Variants in CNTNAP2 observed in about 807,000 individuals in gnomAD.
CNTNAP2 encodes contactin associated protein 2.
Under a neutral mutation model 155.2 loss-of-function variants are expected in CNTNAP2, and 98 were observed. That is an observed-to-expected ratio of 0.63 (90% CI 0.54 to 0.75). CNTNAP2 has a LOEUF of 0.75. Among genes scored for constraint, CNTNAP2 ranks in the 30% least tolerant of loss-of-function variants. CNTNAP2 has a pLI of 0.00. For missense variants in CNTNAP2, 1,727 were observed against 1,688.1 expected, an observed-to-expected ratio of 1.02 and a Z score of -0.40; for synonymous variants, 651 against 631.2, an observed-to-expected ratio of 1.03 and a Z score of -0.47.
chr7:147,926,391 A>G (rs895070590), intron 14 of CNTNAP2, among the ~76,000 whole-genome samples: 2 of 152,226 alleles, frequency 1.3e-5, no homozygotes, highest in Non-Finnish European at 2.9e-5. Flanking sequence ...CTTTTCTTCC[A>G]TAATAAAATG....
intron 18 of CNTNAP2, among the ~76,000 whole-genome samples, chr7:148,202,903 C>T (rs1316502142): frequency 6.6e-6 from 1 of 152,040 alleles, no homozygotes; most frequent in Non-Finnish European, 1.5e-5. Flanking sequence ...CTTCTTTTTC[C>T]TTTCTCTTCT....
chr7:147,849,806 T>C (rs1798892055), intron 13 of CNTNAP2: 1 of 152,220 alleles, frequency 6.6e-6, no homozygotes, highest in Non-Finnish European at 1.5e-5. Flanking sequence ...TTAAGTCCTT[T>C]TTAGCAATAG....
At chr7:147,497,342 A>G (rs1335683552) in intron 11 of CNTNAP2, among the ~76,000 whole-genome samples, 2 of 152,164 alleles carry the variant, frequency 1.3e-5, no homozygotes, top group Non-Finnish European at 2.9e-5. Flanking sequence ...GGCATCACGG[A>G]TGCCACCACC....
intron 8 of CNTNAP2, among the ~76,000 whole-genome samples, chr7:147,248,755 A>T (rs1804121637): frequency 6.6e-6 from 1 of 152,228 alleles, no homozygotes. Context: ...ACTTCTGCTT[A>T]CAGAAGATGA....
chr7:147,619,526 T>C (rs1424473762), intron 12 of CNTNAP2, among the ~76,000 whole-genome samples: 2 of 152,184 alleles, frequency 1.3e-5, no homozygotes, highest in African/African-American at 4.8e-5. Context: ...TAAGGGAATA[T>C]TGGAGATAGG....
At chr7:146,639,823 T>C (rs553210929) in intron 1 of CNTNAP2, among the ~76,000 whole-genome samples, 7 of 152,354 alleles carry the variant, frequency 4.6e-5, no homozygotes, top group South Asian at 2.1e-4. Flanking sequence ...CTGAAACTTA[T>C]AAAGGTTAAA....
At chr7:146,507,311 C>T (rs1035670074) in intron 1 of CNTNAP2, among the ~76,000 whole-genome samples, 1 of 152,214 alleles carries the variant, frequency 6.6e-6, no homozygotes, top group South Asian at 2.1e-4. Context: ...GCTCTCTGCA[C>T]TGCCATAGGC....
chr7:147,733,148 A>G (rs1796774578), intron 13 of CNTNAP2, among the ~76,000 whole-genome samples: 1 of 152,154 alleles, frequency 6.6e-6, no homozygotes, highest in East Asian at 1.9e-4. Flanking sequence ...TTTTCTTCTA[A>G]GGCTTTTATG....
At chr7:146,952,441 A>G (rs1223833987) in intron 3 of CNTNAP2, among the ~76,000 whole-genome samples, 1 of 152,062 alleles carries the variant, frequency 6.6e-6, no homozygotes, top group Non-Finnish European at 1.5e-5. Context: ...CAATCAGGCA[A>G]GGAAAGAAAT....
intron 1 of CNTNAP2, among the ~76,000 whole-genome samples, chr7:146,618,895 C>A (rs1323495580): frequency 6.6e-6 from 1 of 151,822 alleles, no homozygotes. Context: ...CATGGTGAAA[C>A]CCTGTCCCTA....
intron 1 of CNTNAP2, among the ~76,000 whole-genome samples, chr7:146,585,719 G>A (rs1333776610): frequency 6.9e-6 from 1 of 144,970 alleles, no homozygotes; most frequent in Non-Finnish European, 1.5e-5. Flanking sequence ...AGGAAGGAAG[G>A]AAAGAAAGAA....
chr7:148,162,667 T>C (rs1016229319), intron 17 of CNTNAP2, among the ~76,000 whole-genome samples: 1 of 152,212 alleles, frequency 6.6e-6, no homozygotes, highest in Non-Finnish European at 1.5e-5. Flanking sequence ...GTATTGCATT[T>C]CCCCTTTCAG....
At chr7:146,972,417 G>A (rs1385354152) in intron 3 of CNTNAP2, among the ~76,000 whole-genome samples, 1 of 151,954 alleles carries the variant, frequency 6.6e-6, no homozygotes, top group Non-Finnish European at 1.5e-5. Flanking sequence ...TTTAACATTT[G>A]TGTTTTATTT....
intron 8 of CNTNAP2, among the ~76,000 whole-genome samples, chr7:147,290,860 A>G (rs919732105): frequency 6.6e-6 from 1 of 152,164 alleles, no homozygotes; most frequent in Non-Finnish European, 1.5e-5. Flanking sequence ...TTAAATGACC[A>G]TGGGTATTGA....
In CNTNAP2 at chr7:146,975,205, C is replaced by T. The variant is rs1286371611; in HGVS notation, c.403-68702C>T. 2.6e-5 allele frequency among the ~76,000 whole-genome samples: 4 copies of T among 152,242 alleles called. No individual in the cohort carries two copies. In the East Asian group the frequency reaches 7.7e-4, roughly 29 times the overall value. Reference sequence around the variant, plus strand: ...CACGGCTGGGCGCGTTGGCTCATGCCTGTAATCCCAGCAGTTTGGGAGGCC... The same window carrying T: ...CACGGCTGGGCGCGTTGGCTCATGCTTGTAATCCCAGCAGTTTGGGAGGCC... On this transcript the variant is annotated intron_variant, in intron 3 of 23. Transcript: ENST00000361727.
At chr7:147,401,959 G>C (rs1796922386) in intron 10 of CNTNAP2, among the ~76,000 whole-genome samples, 1 of 152,182 alleles carries the variant, frequency 6.6e-6, no homozygotes, top group Admixed American at 6.5e-5. Flanking sequence ...AAGAGGTCAT[G>C]AGTTTCTACA....
intron 21 of CNTNAP2, among the ~76,000 whole-genome samples, chr7:148,351,244 T>A (rs1004508554): frequency 3.3e-5 from 5 of 151,968 alleles, no homozygotes; most frequent in Admixed American, 2.6e-4. Context: ...AGGCCACTGC[T>A]AGAGTTCAGT....
chr7:148,154,457 C>G (rs1402989562), intron 17 of CNTNAP2, among the ~76,000 whole-genome samples: 1 of 152,210 alleles, frequency 6.6e-6, no homozygotes, highest in Non-Finnish European at 1.5e-5. Context: ...TTCTCATACT[C>G]TCTGTATTCC....
At chr7:147,882,209 C>T (rs895567302) in intron 13 of CNTNAP2, among the ~76,000 whole-genome samples, 1 of 151,988 alleles carries the variant, frequency 6.6e-6, no homozygotes, top group African/African-American at 2.4e-5. Context: ...AGTCCATGCC[C>T]CATGTTAGAC....
Sources: gnomAD v4.1 joint callset for allele counts (sites outside exome capture counted in the v4.1 genomes callset) on GRCh38, gnomAD v4.1.1 for gene constraint, MANE v1.5 for transcripts, NCBI Gene and HGNC (gene_info 2026-07-23, HGNC 2026-07-21) for gene names.